The following MAP2K5 variants were observed in gnomAD, a reference collection of about 807,000 sequenced individuals.
MAP2K5 encodes dual specificity mitogen-activated protein kinase kinase 5.
MAP2K5 carries 49 observed loss-of-function variants against 83.1 expected under a neutral mutation model. The observed-to-expected ratio is 0.59, with a 90% confidence interval of 0.47 to 0.75. MAP2K5 has a LOEUF of 0.75. Among genes scored for constraint, MAP2K5 ranks in the 30% least tolerant of loss-of-function variants. The probability of loss-of-function intolerance (pLI) is 0.00; values close to 1 mark genes in which losing one functional copy is unlikely to be tolerated. For missense variants in MAP2K5, 457 were observed against 557.5 expected (o/e 0.82, Z 1.82); for synonymous variants, 202 against 191.8 (o/e 1.05, Z -0.44).
At chr15:67,751,500 G>A (rs1415071691) in intron 19 of MAP2K5, among the ~76,000 whole-genome samples, 2 of 152,168 alleles carry the variant, frequency 1.3e-5, no homozygotes, top group Middle Eastern at 3.2e-3. Flanking sequence ...TTCTTTATAA[G>A]TGATGTGTGT....
rs2089380283 is a variant in MAP2K5 at position 67,737,942 on chromosome 15, C to T, written c.1074+9997C>T. ...TCTTGGCTCACTGCAACCTCCACCT[C>T]CCAGGTTCAAGTGATTCTCCTGCCT... is the stretch of plus-strand genomic sequence containing the variant. On this transcript the variant is annotated intron_variant, in intron 17 of 21. Coordinates refer to ENST00000178640, the MANE Select transcript of MAP2K5 (RefSeq NM_145160.3). Among the ~76,000 whole-genome samples, 5 of 148,082 alleles carry T rather than the reference C, an allele frequency of 3.4e-5. No individual in the cohort carries two copies. In the South Asian group the frequency reaches 1.1e-3, roughly 32 times the overall value.
In MAP2K5 at chr15:67,677,478, C is replaced by A. The variant is rs763979034; in HGVS notation, c.847+12833C>A. On this transcript the variant is annotated intron_variant, in intron 13 of 21. Coordinates refer to ENST00000178640, the MANE Select transcript of MAP2K5 (RefSeq NM_145160.3). The surrounding 1 kb of genome is among the most constrained non-coding windows in gnomAD (Gnocchi z 4.2). ...ATAATTTTTTGTTATTTCTTTAAAA[C>A]AAATTACCAGGATTAGTCTTCGGGA... 1.3e-5 allele frequency among the ~76,000 whole-genome samples: 2 copies of A among 152,144 alleles called. No homozygotes were observed. The highest frequency in any genetic ancestry group is 2.1e-4 in the South Asian group (1 of 4,826).
At chr15:67,544,933 T>C (rs2084362689) in intron 1 of MAP2K5, among the ~76,000 whole-genome samples, 1 of 152,178 alleles carries the variant, frequency 6.6e-6, no homozygotes, top group Non-Finnish European at 1.5e-5. Flanking sequence ...CACACAGTCA[T>C]GCACATACAG....
chr15:67,685,161 A>G (rs149794654), intron 13 of MAP2K5, among the ~76,000 whole-genome samples: 1 of 152,346 alleles, frequency 6.6e-6, no homozygotes, highest in African/African-American at 2.4e-5. Flanking sequence ...CAAAATAAAA[A>G]TTTTGATAAC....
At chr15:67,571,081 G>A (rs528183884) in intron 3 of MAP2K5, among the ~76,000 whole-genome samples, 2 of 152,332 alleles carry the variant, frequency 1.3e-5, no homozygotes, top group African/African-American at 4.8e-5. Context: ...GTCTATATCA[G>A]TTCCTCTCTG....
intron 17 of MAP2K5, among the ~76,000 whole-genome samples, chr15:67,737,625 A>G (rs2089370996): frequency 6.6e-6 from 1 of 152,102 alleles, no homozygotes; most frequent in South Asian, 2.1e-4. Context: ...GATTGCCAGG[A>G]CACACCAGGT....
chr15:67,697,909 T>A (rs2088307009), intron 15 of MAP2K5, among the ~76,000 whole-genome samples: 1 of 152,150 alleles, frequency 6.6e-6, no homozygotes, highest in Non-Finnish European at 1.5e-5. Flanking sequence ...AAAAACCAAG[T>A]ATGGGCACAT....
intron 8 of MAP2K5, among the ~76,000 whole-genome samples, chr15:67,605,255 A>G (rs8028327): frequency 0.83 from 126,564 of 151,892 alleles, 53,569 homozygotes; most frequent in Middle Eastern, 0.93. Flanking sequence ...GGGTTTCACC[A>G]TGTTGGCCAG....
intron 7 of MAP2K5, among the ~76,000 whole-genome samples, chr15:67,600,182 A>G (rs1170648632): frequency 6.6e-6 from 1 of 152,188 alleles, no homozygotes; most frequent in Non-Finnish European, 1.5e-5. Flanking sequence ...GAAAAGCTAT[A>G]TCTACTCTAG....
Position 67,757,023 on chromosome 15 carries a change from T to G in MAP2K5, c.1134+8422T>G, listed in dbSNP as rs2089853022. Among the ~76,000 whole-genome samples, 1 of 152,202 alleles carries G rather than the reference T, an allele frequency of 6.6e-6. No homozygotes were observed. The highest frequency in any genetic ancestry group is 2.4e-5 in the African/African-American group (1 of 41,444). Reference sequence around the variant, plus strand: ...TGAACATGGCAGTGCAGATATCTCTTCAGGATAGTGATTTATTTCCTTTAG... The same window carrying G: ...TGAACATGGCAGTGCAGATATCTCTGCAGGATAGTGATTTATTTCCTTTAG... On this transcript the variant is annotated intron_variant, in intron 19 of 21. Coordinates refer to ENST00000178640, the MANE Select transcript of MAP2K5 (RefSeq NM_145160.3). This position sits in a 1 kb window ranked among gnomAD's most constrained non-coding sequence, Gnocchi z 4.9.
intron 17 of MAP2K5, among the ~76,000 whole-genome samples, chr15:67,741,952 T>C (rs892786308): frequency 5.3e-5 from 8 of 151,726 alleles, no homozygotes; most frequent in African/African-American, 1.9e-4. Context: ...TGGAGTGCAG[T>C]GGCACGATCT....
rs1254407144 is a variant in MAP2K5 at position 67,769,463 on chromosome 15, GAC to G, written c.1135-137_1135-136del. 1 of 705,376 alleles carries G rather than the reference GAC, an allele frequency of 1.4e-6. No homozygotes were observed. Among genetic ancestry groups the G allele is most frequent in the African/African-American group, 1.8e-5 (1 of 55,564 alleles). 43.7% of individuals were successfully genotyped at this position (705,376 alleles called of 1,614,324 possible). The stretch of plus-strand genomic sequence containing the variant: ...ACCTAAATGTGTGGAATAAGGTAAA[GAC>G]AGTCTTTTTAATTGGGTGAGGCCTT... On this transcript the variant is annotated intron_variant, in intron 19 of 21. Coordinates refer to ENST00000178640, the MANE Select transcript of MAP2K5 (RefSeq NM_145160.3). The surrounding 1 kb of genome is among the most constrained non-coding windows in gnomAD (Gnocchi z 5.2).
chr15:67,650,331 T>A (rs538828666), intron 11 of MAP2K5, among the ~76,000 whole-genome samples: 1 of 152,306 alleles, frequency 6.6e-6, no homozygotes, highest in African/African-American at 2.4e-5. Flanking sequence ...CTTGCTTAAT[T>A]ACCCTGGCTA....
chr15:67,558,508 G>C (rs995130111), intron 2 of MAP2K5, among the ~76,000 whole-genome samples: 8 of 152,266 alleles, frequency 5.3e-5, no homozygotes, highest in Middle Eastern at 3.4e-3. Flanking sequence ...TTAGAAGTCA[G>C]GTGACACCAC....
rs146638833 is a variant in MAP2K5, at chr15:67,703,953, G to A, written c.1044+545G>A. On this transcript the variant is annotated intron_variant, in intron 16 of 21. Transcript: ENST00000178640. ...CACATGTGTATGTGGGTTAAGGGGT[G>A]GTGTGATATGATGGAGAGGGAAGGG... Among the ~76,000 whole-genome samples the A allele has an allele frequency of 4.8e-4, 73 of 152,208 alleles. No homozygotes were observed. The East Asian group carries it at 0.014, about 29-fold the overall frequency.
intron 4 of MAP2K5, 158 bp from the exon 5 acceptor site, chr15:67,585,732 C>G (rs1056008264): frequency 4.8e-6 from 3 of 619,608 alleles, no homozygotes; most frequent in East Asian, 2.8e-5. Flanking sequence ...AGTTAAAACC[C>G]TGGTTCATAA....
chr15:67,566,041 T>G (rs188437858), intron 3 of MAP2K5, among the ~76,000 whole-genome samples: 28 of 152,362 alleles, frequency 1.8e-4, no homozygotes, highest in Admixed American at 3.9e-4. Flanking sequence ...AAATTTGCAT[T>G]GGTCTTTATT....
At chr15:67,651,938 A>G (rs764728916) in intron 11 of MAP2K5, among the ~76,000 whole-genome samples, 3 of 152,216 alleles carry the variant, frequency 2.0e-5, no homozygotes, top group Non-Finnish European at 4.4e-5. Context: ...AGGAATTTCC[A>G]TACTGTTTTC....
intron 9 of MAP2K5, among the ~76,000 whole-genome samples, chr15:67,635,470 C>T (rs923276222): frequency 5.9e-5 from 9 of 151,996 alleles, no homozygotes; most frequent in East Asian, 1.9e-4. Flanking sequence ...TCACCGTGCC[C>T]GGCCTGGAAA....
Sources: gnomAD v4.1 joint callset for allele counts (sites outside exome capture counted in the v4.1 genomes callset) on GRCh38, gnomAD v4.1.1 for gene constraint, Gnocchi (gnomAD v3.1) non-coding constraint, MANE v1.5 for transcripts, NCBI Gene and HGNC (gene_info 2026-07-23, HGNC 2026-07-21) for gene names.